The following HPS3 variants were observed in gnomAD, a reference collection of about 807,000 sequenced individuals.
HPS3 encodes BLOC-2 complex member HPS3.
In HPS3, 79 loss-of-function variants were observed where a neutral mutation model predicts 110.9. That is an observed-to-expected ratio of 0.71 (90% confidence interval 0.59 to 0.86). HPS3 has a LOEUF of 0.86. Among genes scored for constraint, HPS3 ranks in the 40% least tolerant of loss-of-function variants. The probability of loss-of-function intolerance (pLI) is 0.00; values close to 1 mark genes in which losing one functional copy is unlikely to be tolerated. For synonymous variants in HPS3, 428 were observed against 451.0 expected (o/e 0.95, Z 0.65); for missense variants, 1,197 against 1,206.2 (o/e 0.99, Z 0.11).
At chr3:149,132,366 C>T (rs1469580623) in intron 1 of HPS3, among the ~76,000 whole-genome samples, 2 of 152,196 alleles carry the variant, frequency 1.3e-5, no homozygotes, top group East Asian at 3.8e-4. Context: ...ATTTACCATT[C>T]TGAAAATCAT....
At position 149,141,321 on chromosome 3, in the gene HPS3, A is replaced by G. The variant is rs748088057; in HGVS notation, c.911A>G (p.Tyr304Cys). The change falls in exon 4 of 17, where the codon TAT (tyrosine) becomes TGT (cysteine). Residue 304 changes from tyrosine to cysteine, a missense_variant. Transcript: ENST00000296051. ...YRRFAPDISSYVLSDDIKLHS... is the reference protein window; with the variant it reads ...YRRFAPDISSCVLSDDIKLHS... The stretch of plus-strand genomic sequence containing the variant: ...CGTTTTGCTCCTGATATTTCGTCCT[A>G]TGTCTTGTCTGATGACATCAAGCTA... 3.7e-6 allele frequency: 6 copies of G among 1,612,138 alleles called. No homozygotes were observed. Among genetic ancestry groups the G allele is most frequent in the South Asian group, 1.1e-5 (1 of 91,036 alleles).
chr3:149,154,332 A>G (rs932189933), intron 7 of HPS3, among the ~76,000 whole-genome samples: 7 of 152,296 alleles, frequency 4.6e-5, no homozygotes, highest in African/African-American at 1.7e-4. Context: ...CATATCAAAC[A>G]TGGGTTATTT....
chr3:149,163,526 A>G (rs566652025), intron 13 of HPS3, among the ~76,000 whole-genome samples: 1 of 152,350 alleles, frequency 6.6e-6, no homozygotes, highest in Admixed American at 6.5e-5. Context: ...TAAAGAAAGT[A>G]GTATTAATAA....
chr3:149,133,720 G>A lies in HPS3; in HGVS notation c.217+3780G>A, dbSNP rs113436148. 4.0e-3 allele frequency among the ~76,000 whole-genome samples: 611 copies of A among 152,260 alleles called. 9 individuals carry two copies. Among genetic ancestry groups the A allele is most frequent in the African/African-American group, 0.014 (571 of 41,544 alleles). ...CTTCACCAGTGAAAAGATATGTCTCGTTAAAGGCTTGGATGATCGTTAGCA... is the reference window on the plus strand; with the variant it reads ...CTTCACCAGTGAAAAGATATGTCTCATTAAAGGCTTGGATGATCGTTAGCA... On this transcript the variant is annotated intron_variant, in intron 1 of 16. Transcript: ENST00000296051.
At chr3:149,167,636 G>C (rs777759556) in intron 15 of HPS3, among the ~76,000 whole-genome samples, 6 of 152,016 alleles carry the variant, frequency 3.9e-5, no homozygotes, top group Non-Finnish European at 5.9e-5. Context: ...GGATATGTCT[G>C]TTACTTCTTG....
chr3:149,162,072 G>A, intron 11 of HPS3, 76 bp from the exon 12 acceptor site: 1 of 1,179,642 alleles, frequency 8.5e-7, no homozygotes, highest in Non-Finnish European at 1.3e-6. Context: ...GAATGCACTA[G>A]CATGTTTAGT....
At chr3:149,167,865 A>G (rs773628358) in intron 15 of HPS3, 28 bp from the exon 16 acceptor site, 2 of 1,370,318 alleles carry the variant, frequency 1.5e-6, no homozygotes, top group Non-Finnish European at 1.0e-6. Context: ...GCATCAAACT[A>G]AAATTTATTC....
At position 149,150,624 on chromosome 3, in the gene HPS3, C is replaced by T. The variant is rs121908316; in HGVS notation, c.1189C>T (p.Arg397Trp). ...TSNNLQCFTVRCSAAAAREED... is the reference protein window; with the variant it reads ...TSNNLQCFTVWCSAAAAREED... ...TAACAACCTGCAGTGTTTCACTGTG[C>T]GGTGCAGTGCGGCGGCAGCTCGTGA... is the stretch of plus-strand genomic sequence containing the variant. The change falls in exon 6 of 17, where the codon CGG becomes TGG. Residue 397 changes from arginine (R) to tryptophan (W), a missense_variant. By Grantham distance (101) the Arg-to-Trp change is moderately radical. Transcript: ENST00000296051. The T allele has an allele frequency of 3.8e-5, 61 of 1,613,862 alleles. No individual in the cohort carries two copies. The highest frequency in any genetic ancestry group is 1.8e-4 in the East Asian group (8 of 44,890).
intron 11 of HPS3, among the ~76,000 whole-genome samples, chr3:149,160,668 G>A (rs776872774): frequency 1.1e-4 from 16 of 152,188 alleles, no homozygotes; most frequent in Non-Finnish European, 1.8e-4. Flanking sequence ...TAGGAGTCTA[G>A]TAGTTGCAGA....
rs745933274 is a variant in HPS3, at chr3:149,157,448, C to T, written c.1608C>T (p.Ala536=). ...TAGTGCGAGCTGCCCTGATGGATGC[C>T]AGTCAGCTGGAACCTGGAGAGAAGG... ...HLLVRAALMD[A]SQLEPGEKAE... Residue 536 remains alanine, a synonymous_variant, in exon 9 of 17, where the codon GCC becomes GCT. Transcript: ENST00000296051. 4 of 1,613,816 alleles carry T rather than the reference C, an allele frequency of 2.5e-6. No homozygotes were observed. Among genetic ancestry groups the T allele is most frequent in the East Asian group, 2.2e-5 (1 of 44,876 alleles).
chr3:149,171,912 G>A (rs1725029523), intron 16 of HPS3, among the ~76,000 whole-genome samples, 183 bp from the exon 17 acceptor site: 1 of 151,862 alleles, frequency 6.6e-6, no homozygotes, highest in African/African-American at 2.4e-5. Flanking sequence ...TCACCATGTT[G>A]GCCAGACTGG....
At chr3:149,156,591 G>A (rs1257178451) in intron 8 of HPS3, among the ~76,000 whole-genome samples, 1 of 148,032 alleles carries the variant, frequency 6.8e-6, no homozygotes, top group Non-Finnish European at 1.5e-5. Context: ...TTTTTTAATG[G>A]TTAGATTCAG....
At chr3:149,133,864 A>T (rs567767278) in intron 1 of HPS3, among the ~76,000 whole-genome samples, 44 of 152,342 alleles carry the variant, frequency 2.9e-4, no homozygotes, top group Middle Eastern at 6.8e-3. Flanking sequence ...TAGTACAAAC[A>T]TAACTTTTTT....
In HPS3 at chr3:149,142,120, A is replaced by T. The variant is rs993351754; in HGVS notation, c.970+740A>T. Among the ~76,000 whole-genome samples the T allele has an allele frequency of 3.9e-5, 6 of 152,274 alleles. No homozygotes were observed. In the South Asian group the frequency reaches 1.2e-3, roughly 32 times the overall value. ...CACCTCGGCCTCCCAAAGTGCTGGG[A>T]TTACAGGTGTGAGCCACCACACCCG... is the stretch of plus-strand genomic sequence containing the variant. On this transcript the variant is annotated intron_variant, in intron 4 of 16. Transcript: ENST00000296051.
At chr3:149,161,719 A>G (rs1413126523) in intron 11 of HPS3, among the ~76,000 whole-genome samples, 1 of 152,080 alleles carries the variant, frequency 6.6e-6, no homozygotes, top group East Asian at 1.9e-4. Flanking sequence ...CATGTTGGCC[A>G]GGCTGGTCTC....
intron 7 of HPS3, chr3:149,153,976 A>T (rs916886913): frequency 3.4e-6 from 1 of 295,606 alleles, no homozygotes; most frequent in Non-Finnish European, 6.3e-6. Flanking sequence ...AGGACTTTTT[A>T]CTGTCTTTCT....
Position 149,141,530 on chromosome 3 carries a change from T to G in HPS3, c.970+150T>G, listed in dbSNP as rs199920062. ...GGCCCTTTAACAAAGTTTTTTTTTTTGTTTTTTTTTTTTTTTTTTTTTGAG... is the reference window on the plus strand; with the variant it reads ...GGCCCTTTAACAAAGTTTTTTTTTTGGTTTTTTTTTTTTTTTTTTTTTGAG... On this transcript the variant is annotated intron_variant, in intron 4 of 16. Transcript: ENST00000296051. 3.0e-5 allele frequency: 16 copies of G among 541,820 alleles called. No homozygotes were observed. In the East Asian group the frequency reaches 5.0e-4, roughly 17 times the overall value. The allele number at this position is 541,820 out of a possible 1,614,324, so 33.6% of individuals were successfully genotyped here. A position where few individuals can be genotyped will look rare whatever the true frequency, so the allele number is the denominator to read the frequency against.
intron 8 of HPS3, among the ~76,000 whole-genome samples, chr3:149,156,721 A>G (rs1252104060): frequency 2.0e-5 from 3 of 152,122 alleles, no homozygotes; most frequent in Non-Finnish European, 4.4e-5. Flanking sequence ...TCATCAGGTC[A>G]AGGTGTTGCC....
intron 15 of HPS3, among the ~76,000 whole-genome samples, chr3:149,167,479 T>G (rs1724540899): frequency 6.6e-6 from 1 of 152,224 alleles, no homozygotes; most frequent in Non-Finnish European, 1.5e-5. Context: ...GATGAAGTAG[T>G]TGATTACCTG....
Sources: gnomAD v4.1 joint callset for allele counts (sites outside exome capture counted in the v4.1 genomes callset) on GRCh38, gnomAD v4.1.1 for gene constraint, MANE v1.5 for transcripts, NCBI Gene and HGNC (gene_info 2026-07-23, HGNC 2026-07-21) for gene names.